The following TAF3 variants were observed in gnomAD, a reference collection of about 807,000 sequenced individuals.
TAF3 encodes the protein TATA-box binding protein associated factor 3.
A neutral mutation model predicts 80.6 loss-of-function variants in TAF3; 7 were observed. The observed-to-expected ratio is 0.09, with a 90% CI of 0.05 to 0.16. The LOEUF (loss-of-function observed/expected upper bound fraction) is 0.16, where lower values mean the gene tolerates loss of function less well. TAF3 is among the 10% of genes least tolerant of loss of function. The pLI is 1.00. For synonymous variants in TAF3, 444 were observed against 446.1 expected, an observed-to-expected ratio of 1.00 and a Z score of 0.06; for missense variants, 921 against 1,140.2, an observed-to-expected ratio of 0.81 and a Z score of 2.77.
chr10:7,934,465 G>C (rs1056659567), intron 2 of TAF3, among the ~76,000 whole-genome samples: 2 of 151,742 alleles, frequency 1.3e-5, no homozygotes, highest in Non-Finnish European at 2.9e-5. Flanking sequence ...ATTTATTTGA[G>C]ACAGAGTCTT....
At chr10:7,952,772 ATTGTC>A (rs1167749173) in intron 2 of TAF3, among the ~76,000 whole-genome samples, 1 of 152,168 alleles carries the variant, frequency 6.6e-6, no homozygotes, top group African/African-American at 2.4e-5. Context: ...TCATTGCCTA[ATTGTC>A]TTGTCTTTGC....
intron 1 of TAF3, among the ~76,000 whole-genome samples, chr10:7,821,988 AGGGTG>A: frequency 1.3e-5 from 2 of 152,210 alleles, no homozygotes; most frequent in Non-Finnish European, 2.9e-5. Flanking sequence ...GTTCATTCCA[AGGGTG>A]TCTGAGTAAA....
Position 7,965,539 on chromosome 10 carries a change from A to T in TAF3, c.2029A>T (p.Met677Leu). The T allele has an allele frequency of 6.2e-7, 1 of 1,602,178 alleles. No individual in the cohort carries two copies. The highest frequency in any genetic ancestry group is 1.1e-5 in the South Asian group (1 of 87,512). ...SPATASRVPA[M>L]LPSLLPVLPE... is the part of the protein sequence containing the mutation. Reference sequence around the variant, plus strand: ...TGCCACAGCCTCCAGGGTCCCAGCCATGCTGCCATCTTTGTTGCCAGTGCT... The same window carrying T: ...TGCCACAGCCTCCAGGGTCCCAGCCTTGCTGCCATCTTTGTTGCCAGTGCT... Residue 677 changes from methionine to leucine, a missense_variant, in exon 3 of 7, where the codon ATG becomes TTG. Physicochemically the swap from Met to Leu is conservative, Grantham distance 15 (BLOSUM62 2). Transcript: ENST00000344293.
At position 7,981,108 on chromosome 10, in the gene TAF3, A is replaced by T. The variant is rs547005345; in HGVS notation, c.2315+3785A>T. On this transcript the variant is annotated intron_variant, in intron 4 of 6. Coordinates refer to ENST00000344293, the MANE Select transcript of TAF3 (RefSeq NM_031923.4). ...AAAGGAGCTTTGTGAGAAAAAGGTG[A>T]AACACTGGTAAAGTATTAACAAAAA... is the stretch of plus-strand genomic sequence containing the variant. Among the ~76,000 whole-genome samples the T allele has an allele frequency of 1.4e-4, 22 of 152,342 alleles. No homozygotes were observed. The East Asian group carries it at 3.3e-3, about 23-fold the overall frequency.
At chr10:7,909,914 C>A (rs1463213692) in intron 2 of TAF3, among the ~76,000 whole-genome samples, 3 of 152,126 alleles carry the variant, frequency 2.0e-5, no homozygotes, top group African/African-American at 7.2e-5. Flanking sequence ...CCCAGCTCCA[C>A]GACTGCTCAG....
chr10:7,884,224 C>T (rs1235067130), intron 2 of TAF3, among the ~76,000 whole-genome samples: 5 of 152,216 alleles, frequency 3.3e-5, no homozygotes, highest in African/African-American at 9.6e-5. Context: ...TCAGCTGTAC[C>T]CGGTTTGGCC....
intron 2 of TAF3, among the ~76,000 whole-genome samples, chr10:7,944,846 C>T (rs1476290864): frequency 1.3e-5 from 2 of 152,286 alleles, no homozygotes; most frequent in East Asian, 3.9e-4. Flanking sequence ...GACAATTATT[C>T]AGAGTTAATT....
At chr10:7,893,224 G>A (rs978083045) in intron 2 of TAF3, among the ~76,000 whole-genome samples, 2 of 152,220 alleles carry the variant, frequency 1.3e-5, no homozygotes, top group South Asian at 4.1e-4. Flanking sequence ...CTAGAACTTA[G>A]TATCTTTTAA....
chr10:7,841,721 G>A (rs1836914758), intron 2 of TAF3, among the ~76,000 whole-genome samples: 1 of 152,184 alleles, frequency 6.6e-6, no homozygotes, highest in South Asian at 2.1e-4. Flanking sequence ...TGTAGAGGAT[G>A]TGCTACAGAG....
rs112946291 is a variant in TAF3, at chr10:7,903,970, CAG to C, written c.410-59945_410-59944del. On this transcript the variant is annotated intron_variant, in intron 2 of 6. Coordinates refer to ENST00000344293, the MANE Select transcript of TAF3 (RefSeq NM_031923.4). ...TACGGTATTGTAGGTATCTGGAAAACAGAGAGCAGATCTGGGTCAGGGTGTCT... is the reference window on the plus strand; with the variant it reads ...TACGGTATTGTAGGTATCTGGAAAACAGAGCAGATCTGGGTCAGGGTGTCT... 9.5e-4 allele frequency among the ~76,000 whole-genome samples: 144 copies of C among 152,172 alleles called. 1 individual carries two copies. Among genetic ancestry groups the C allele is most frequent in the African/African-American group, 3.3e-3 (138 of 41,502 alleles).
At chr10:7,892,640 G>T (rs1837466723) in intron 2 of TAF3, among the ~76,000 whole-genome samples, 1 of 152,066 alleles carries the variant, frequency 6.6e-6, no homozygotes, top group African/African-American at 2.4e-5. Context: ...CAGTTCTGCT[G>T]TAAAGTTTGG....
At chr10:7,838,744 C>A (rs547029247) in intron 2 of TAF3, among the ~76,000 whole-genome samples, 2 of 152,044 alleles carry the variant, frequency 1.3e-5, no homozygotes, top group African/African-American at 4.8e-5. Flanking sequence ...TAACATCCGA[C>A]GCTATAAGCC....
At chr10:7,938,121 A>G (rs1002900232) in intron 2 of TAF3, among the ~76,000 whole-genome samples, 7 of 152,258 alleles carry the variant, frequency 4.6e-5, no homozygotes, top group Non-Finnish European at 8.8e-5. Context: ...TTAGAGTCCT[A>G]TGATTTAAAA....
At chr10:7,930,356 A>G (rs1837856752) in intron 2 of TAF3, among the ~76,000 whole-genome samples, 1 of 152,214 alleles carries the variant, frequency 6.6e-6, no homozygotes, top group South Asian at 2.1e-4. Flanking sequence ...TCATCCATGA[A>G]TAGGTTATTA....
intron 3 of TAF3, among the ~76,000 whole-genome samples, chr10:7,974,417 G>C (rs1831651184): frequency 6.6e-6 from 1 of 152,158 alleles, no homozygotes; most frequent in South Asian, 2.1e-4. Flanking sequence ...ATGTTGAATA[G>C]GCATCTTCAT....
chr10:7,903,137 T>C (rs972408199), intron 2 of TAF3, among the ~76,000 whole-genome samples: 2 of 152,180 alleles, frequency 1.3e-5, no homozygotes, highest in African/African-American at 4.8e-5. Context: ...GGAGGATCGC[T>C]TGAGCCTAGA....
At chr10:7,934,872 C>T (rs1197669470) in intron 2 of TAF3, among the ~76,000 whole-genome samples, 2 of 152,204 alleles carry the variant, frequency 1.3e-5, no homozygotes, top group African/African-American at 2.4e-5. Context: ...CCCTCCCATG[C>T]GGCAGGCATG....
intron 2 of TAF3, among the ~76,000 whole-genome samples, chr10:7,909,778 G>A (rs952854806): frequency 1.3e-5 from 2 of 152,100 alleles, no homozygotes; most frequent in South Asian, 4.1e-4. Flanking sequence ...TTGCAGAATA[G>A]GAATCAACAG....
At chr10:7,990,234 C>T (rs1263741607) in intron 4 of TAF3, among the ~76,000 whole-genome samples, 2 of 152,076 alleles carry the variant, frequency 1.3e-5, no homozygotes, top group African/African-American at 4.8e-5. Flanking sequence ...GTCGCTAATG[C>T]CATTAGGGTT....
Sources: allele counts gnomAD v4.1 joint callset (sites outside exome capture counted in the v4.1 genomes callset), GRCh38; gene constraint gnomAD v4.1.1; transcripts MANE v1.5; gene names NCBI Gene and HGNC (gene_info 2026-07-23, HGNC 2026-07-21).